Variants in LRMDA observed in about 807,000 individuals in gnomAD.
LRMDA encodes the protein leucine rich melanocyte differentiation associated.
A neutral mutation model predicts 29.8 loss-of-function variants in LRMDA; 18 were observed. The ratio of observed to expected loss-of-function variants is 0.60; its 90% CI spans 0.42 to 0.90. LRMDA has a LOEUF of 0.90. Ranked by LOEUF, LRMDA falls within the 40% of genes least tolerant of loss-of-function variation. The probability of loss-of-function intolerance (pLI) is 0.00; values close to 1 mark genes in which losing one functional copy is unlikely to be tolerated. For synonymous variants in LRMDA, 125 were observed against 109.4 expected (o/e 1.14, Z -0.89); for missense variants, 273 against 273.9 (o/e 1.00, Z 0.02).
intron 5 of LRMDA, among the ~76,000 whole-genome samples, chr10:76,292,041 G>C (rs1564713468): frequency 6.6e-6 from 1 of 152,090 alleles, no homozygotes; most frequent in Non-Finnish European, 1.5e-5. Context: ...ACAAGTCAAT[G>C]TATAATTAAG....
intron 2 of LRMDA, among the ~76,000 whole-genome samples, chr10:75,662,914 G>A (rs1346988719): frequency 6.6e-6 from 1 of 152,202 alleles, no homozygotes; most frequent in African/African-American, 2.4e-5. Flanking sequence ...TGAAGCATTT[G>A]AGAGCTGGAA....
chr10:75,506,967 C>G (rs953318642), intron 2 of LRMDA, among the ~76,000 whole-genome samples: 1 of 152,112 alleles, frequency 6.6e-6, no homozygotes, highest in Non-Finnish European at 1.5e-5. Flanking sequence ...CTCTTGGGGC[C>G]CTTGGGGAGA....
intron 2 of LRMDA, among the ~76,000 whole-genome samples, chr10:75,954,283 C>T (rs570911494): frequency 6.6e-6 from 1 of 152,130 alleles, no homozygotes; most frequent in Non-Finnish European, 1.5e-5. Flanking sequence ...AGGGGTGGAG[C>T]AGTTGTGTGC....
At chr10:76,146,320 G>T (rs1850320136) in intron 5 of LRMDA, among the ~76,000 whole-genome samples, 1 of 151,816 alleles carries the variant, frequency 6.6e-6, no homozygotes. Flanking sequence ...TAATGTGTGG[G>T]AGTCTAAGTC....
intron 6 of LRMDA, among the ~76,000 whole-genome samples, chr10:76,381,648 C>A (rs904185745): frequency 1.3e-5 from 2 of 152,144 alleles, no homozygotes; most frequent in African/African-American, 4.8e-5. Flanking sequence ...GAATATCCCA[C>A]TCCTTTAGCT....
intron 5 of LRMDA, among the ~76,000 whole-genome samples, chr10:76,323,603 G>C (rs1244544505): frequency 6.6e-6 from 1 of 152,076 alleles, no homozygotes; most frequent in East Asian, 1.9e-4. Flanking sequence ...ACTGGCCATT[G>C]GTTCTGAGTG....
intron 6 of LRMDA, among the ~76,000 whole-genome samples, chr10:76,431,878 C>T (rs1409296748): frequency 3.9e-5 from 6 of 152,270 alleles, no homozygotes; most frequent in South Asian, 2.1e-4. Context: ...CTTTAAAAAA[C>T]GGGAATTTCC....
Position 75,604,733 on chromosome 10 carries a change from A to G in LRMDA, c.131+166239A>G, listed in dbSNP as rs1252389276. Among the ~76,000 whole-genome samples the G allele has an allele frequency of 3.3e-5, 5 of 152,198 alleles. No individual in the cohort carries two copies. The East Asian group carries it at 9.6e-4, about 29-fold the overall frequency. On this transcript the variant is annotated intron_variant, in intron 2 of 6. Coordinates refer to ENST00000611255, the MANE Select transcript of LRMDA (RefSeq NM_001305581.2). ...CTGCCAAAATACTATGATTTTAAGA[A>G]CAGTTTAACCTAGTAGCTGCTGAAA... is the stretch of plus-strand genomic sequence containing the variant.
chr10:75,623,712 CTGTT>C lies in LRMDA; in HGVS notation c.131+185226_131+185229del, dbSNP rs143193355. 2.6e-4 allele frequency among the ~76,000 whole-genome samples: 40 copies of C among 152,300 alleles called. No individual in the cohort carries two copies. In the East Asian group the frequency reaches 4.4e-3, roughly 17 times the overall value. ...GAAGAAAAGAAGCAATTATAGCAGA[CTGTT>C]TGTTTGTGGCTAACAGAATGCTGAA... is the stretch of plus-strand genomic sequence containing the variant. On this transcript the variant is annotated intron_variant, in intron 2 of 6. Coordinates refer to ENST00000611255, the MANE Select transcript of LRMDA (RefSeq NM_001305581.2).
At chr10:76,142,910 C>A (rs1247186458) in intron 5 of LRMDA, among the ~76,000 whole-genome samples, 1 of 151,374 alleles carries the variant, frequency 6.6e-6, no homozygotes, top group African/African-American at 2.4e-5. Context: ...TCTCATTGTT[C>A]AATTCCCACC....
chr10:75,824,538 C>T (rs1364828487), intron 2 of LRMDA, among the ~76,000 whole-genome samples: 3 of 152,200 alleles, frequency 2.0e-5, no homozygotes, highest in Non-Finnish European at 4.4e-5. Flanking sequence ...GAAGACTTGG[C>T]AGGACCTAAA....
chr10:76,060,271 G>A (rs1377667007), intron 5 of LRMDA, among the ~76,000 whole-genome samples: 1 of 152,094 alleles, frequency 6.6e-6, no homozygotes, highest in African/African-American at 2.4e-5. Flanking sequence ...TATTTCTCCT[G>A]CGCTCATTGA....
In LRMDA at chr10:76,134,465, G is replaced by A. The variant is rs369833423; in HGVS notation, c.516+75682G>A. ...ACATGGGAACAAAAAATATCACCTC[G>A]CATATGGCTGTCTTCTCTTTCCTGG... On this transcript the variant is annotated intron_variant, in intron 5 of 6. Coordinates refer to ENST00000611255, the MANE Select transcript of LRMDA (RefSeq NM_001305581.2). Among the ~76,000 whole-genome samples the A allele has an allele frequency of 1.3e-4, 20 of 152,242 alleles. No individual in the cohort carries two copies. In the South Asian group the frequency reaches 2.9e-3, roughly 22 times the overall value.
intron 2 of LRMDA, among the ~76,000 whole-genome samples, chr10:75,779,867 G>A (rs1030659675): frequency 5.3e-5 from 8 of 152,156 alleles, no homozygotes; most frequent in African/African-American, 1.9e-4. Flanking sequence ...ACCTAAGAGT[G>A]TGACCTGATT....
chr10:75,974,812 A>G (rs757406209), intron 2 of LRMDA, among the ~76,000 whole-genome samples: 13 of 152,246 alleles, frequency 8.5e-5, no homozygotes, highest in South Asian at 2.1e-4. Flanking sequence ...TACCTGGCAC[A>G]TAGTGAGAGT....
intron 2 of LRMDA, among the ~76,000 whole-genome samples, chr10:75,517,097 C>G (rs932542000): frequency 6.6e-6 from 1 of 152,124 alleles, no homozygotes; most frequent in Non-Finnish European, 1.5e-5. Context: ...GTTTTGGTTA[C>G]TATAGCCTTG....
chr10:76,266,790 A>G (rs1254659416), intron 5 of LRMDA, among the ~76,000 whole-genome samples: 2 of 152,174 alleles, frequency 1.3e-5, no homozygotes, highest in Non-Finnish European at 2.9e-5. Context: ...GCCCTAGTAT[A>G]TTTACATACA....
chr10:75,937,989 G>A (rs1054551826), intron 2 of LRMDA, among the ~76,000 whole-genome samples: 6 of 152,136 alleles, frequency 3.9e-5, no homozygotes, highest in Admixed American at 6.5e-5. Flanking sequence ...TTGACAAGTC[G>A]CATAAAACTA....
At chr10:76,267,601 TA>T (rs1840022556) in intron 5 of LRMDA, among the ~76,000 whole-genome samples, 2 of 152,184 alleles carry the variant, frequency 1.3e-5, no homozygotes, top group South Asian at 2.1e-4. Context: ...CTTATAGACA[TA>T]AACCTTGAAA....
Sources: allele counts gnomAD v4.1 joint callset (sites outside exome capture counted in the v4.1 genomes callset), GRCh38; gene constraint gnomAD v4.1.1; transcripts MANE v1.5; gene names NCBI Gene and HGNC (gene_info 2026-07-23, HGNC 2026-07-21).